Variants in TRMT9B observed in about 807,000 individuals in gnomAD.
The protein encoded by TRMT9B is tRNA methyltransferase 9B (putative).
TRMT9B carries 16 observed loss-of-function variants against 11.5 expected under a neutral mutation model. That is an observed-to-expected ratio of 1.39 (90% confidence interval 0.94 to 2.11). The LOEUF is 2.11. Ranked by LOEUF, TRMT9B falls within the 30% of genes most tolerant of loss-of-function variation. TRMT9B has a pLI of 0.00. For synonymous variants in TRMT9B, 274 were observed against 192.4 expected (o/e 1.42, Z -3.51); for missense variants, 941 against 553.8 (o/e 1.70, Z -7.02).
chr8:12,967,673 G>A (rs796649125), intron 1 of TRMT9B, among the ~76,000 whole-genome samples: 9 of 152,242 alleles, frequency 5.9e-5, no homozygotes, highest in African/African-American at 2.2e-4. Context: ...TTTTAAGTGA[G>A]TAGTCACTTC....
intron 1 of TRMT9B, among the ~76,000 whole-genome samples, chr8:12,958,039 G>T (rs1336438941): frequency 6.6e-6 from 1 of 152,148 alleles, no homozygotes; most frequent in African/African-American, 2.4e-5. Context: ...TCACCCGGCT[G>T]ATAAAGACAT....
At chr8:12,946,038 C>A (rs762764892) in intron 1 of TRMT9B, 72 bp downstream of exon 1, 2 of 152,036 alleles carry the variant, frequency 1.3e-5, no homozygotes, top group African/African-American at 4.8e-5. Context: ...GTTTGTCATC[C>A]CACGAGACTA....
intron 4 of TRMT9B, among the ~76,000 whole-genome samples, chr8:13,016,461 C>G (rs1181855355): frequency 2.0e-5 from 3 of 149,842 alleles, no homozygotes; most frequent in Non-Finnish European, 4.4e-5. Flanking sequence ...TCTTATGTCC[C>G]TATATATTTA....
chr8:13,027,656 A>G lies in TRMT9B; in HGVS notation c.*5612A>G, dbSNP rs892269467. On this transcript the variant is annotated 3_prime_UTR_variant, in exon 5 of 5. Transcript: ENST00000524591. ...ATGACAAGTAATTCCCACATTCCCT[A>G]GATATATACTTGGATTTCAAATGCC... 29 of 167,188 alleles carry G rather than the reference A, an allele frequency of 1.7e-4. No individual in the cohort carries two copies. The highest frequency in any genetic ancestry group is 6.5e-4 in the African/African-American group (27 of 41,574). 10.4% of individuals were successfully genotyped at this position (167,188 alleles called of 1,614,324 possible). A position where few individuals can be genotyped will look rare whatever the true frequency, so the allele number is the denominator to read the frequency against.
rs1814719751 is a variant in TRMT9B at position 13,026,601 on chromosome 8, TCCTCACCACAGC to T, written c.*4562_*4573del. On this transcript the variant is annotated 3_prime_UTR_variant, in exon 5 of 5. Coordinates refer to ENST00000524591, the MANE Select transcript of TRMT9B (RefSeq NM_020844.3). ...GCAACGTTCATTAATTTATATGCAG[TCCTCACCACAGC>T]CCTCCAAGATAACTATACTTATTGT... 6.0e-6 allele frequency: 1 copy of T among 167,102 alleles called. No homozygotes were observed. The highest frequency in any genetic ancestry group is 2.4e-5 in the African/African-American group (1 of 41,454). 10.4% of individuals were successfully genotyped at this position (167,102 alleles called of 1,614,324 possible).
intron 3 of TRMT9B, among the ~76,000 whole-genome samples, chr8:13,008,806 G>C (rs776851508): frequency 2.2e-4 from 33 of 152,098 alleles, no homozygotes; most frequent in Non-Finnish European, 3.5e-4. Context: ...TCGGCTCACT[G>C]CAAGCTCCGC....
intron 4 of TRMT9B, among the ~76,000 whole-genome samples, chr8:13,017,595 T>A (rs2466251): frequency 0.066 from 9,746 of 147,662 alleles, 408 homozygotes; most frequent in African/African-American, 0.11. Context: ...TAATATGTAA[T>A]GAAGTAATCA....
intron 1 of TRMT9B, among the ~76,000 whole-genome samples, chr8:12,959,482 C>CTT (rs1554509501): frequency 1.9e-5 from 1 of 52,240 alleles, no homozygotes; most frequent in African/African-American, 5.3e-5. Context: ...GTATTTTCCT[C>CTT]TCCTCTCCTC....
At chr8:12,980,713 C>G (rs758352031) in intron 1 of TRMT9B, among the ~76,000 whole-genome samples, 1 of 152,116 alleles carries the variant, frequency 6.6e-6, no homozygotes, top group Non-Finnish European at 1.5e-5. Flanking sequence ...AGAAAAGCTT[C>G]GTGACACAAG....
rs1157550731 is a variant in TRMT9B, at chr8:13,025,037, CG to C, written c.*2995del. 1.2e-5 allele frequency: 2 copies of C among 166,982 alleles called. No individual in the cohort carries two copies. The highest frequency in any genetic ancestry group is 4.8e-5 in the African/African-American group (2 of 41,404). The allele number at this position is 166,982 out of a possible 1,614,324, so 10.3% of individuals were successfully genotyped here. On this transcript the variant is annotated 3_prime_UTR_variant, in exon 5 of 5. Transcript: ENST00000524591. ...TAGACAGTTGATTTGTGAATGCTGTCGGCCTCAACTTGCTTGATGATAGATT... is the reference window on the plus strand; with the variant it reads ...TAGACAGTTGATTTGTGAATGCTGTCGCCTCAACTTGCTTGATGATAGATT...
chr8:13,015,975 T>C (rs968268701), intron 4 of TRMT9B, among the ~76,000 whole-genome samples: 13 of 151,722 alleles, frequency 8.6e-5, no homozygotes, highest in African/African-American at 2.4e-4. Context: ...CCAGGCATGG[T>C]GACGGGCACC....
intron 1 of TRMT9B, among the ~76,000 whole-genome samples, chr8:12,953,713 G>T (rs958130918): frequency 6.6e-6 from 1 of 152,190 alleles, no homozygotes; most frequent in African/African-American, 2.4e-5. Flanking sequence ...ACAGGGTAAA[G>T]AACTGTCCAG....
chr8:12,962,545 C>T (rs1802270356), intron 1 of TRMT9B, among the ~76,000 whole-genome samples: 1 of 152,044 alleles, frequency 6.6e-6, no homozygotes, highest in Non-Finnish European at 1.5e-5. Flanking sequence ...GGCTGGAGTG[C>T]AGTGGTGTGA....
chr8:13,020,234 A>G (rs1341325601), intron 4 of TRMT9B, among the ~76,000 whole-genome samples: 1 of 152,212 alleles, frequency 6.6e-6, no homozygotes, highest in African/African-American at 2.4e-5. Context: ...GCATCTATGT[A>G]GGGAAAAATA....
At chr8:13,015,407 T>C (rs1011595772) in intron 4 of TRMT9B, among the ~76,000 whole-genome samples, 1 of 152,160 alleles carries the variant, frequency 6.6e-6, no homozygotes, top group African/African-American at 2.4e-5. Flanking sequence ...CTCACTCTTA[T>C]CACCCTGGTT....
intron 1 of TRMT9B, among the ~76,000 whole-genome samples, chr8:12,959,217 C>G (rs1274414782): frequency 6.6e-6 from 1 of 152,066 alleles, no homozygotes; most frequent in Admixed American, 6.6e-5. Context: ...ACCTGAAAAT[C>G]CAAAATTTGA....
intron 1 of TRMT9B, among the ~76,000 whole-genome samples, chr8:12,948,680 G>C (rs1047568713): frequency 6.6e-6 from 1 of 151,930 alleles, no homozygotes; most frequent in Non-Finnish European, 1.5e-5. Flanking sequence ...AAAACAGAAG[G>C]CCAGGCACGG....
chr8:12,975,686 C>T (rs915382918), intron 1 of TRMT9B, among the ~76,000 whole-genome samples: 1 of 151,892 alleles, frequency 6.6e-6, no homozygotes, highest in Admixed American at 6.6e-5. Context: ...AGCAGTGAGC[C>T]GAGATGGTGC....
intron 1 of TRMT9B, among the ~76,000 whole-genome samples, chr8:12,969,291 C>T (rs1017723089): frequency 1.3e-5 from 2 of 152,176 alleles, no homozygotes; most frequent in Non-Finnish European, 2.9e-5. Flanking sequence ...GTCTCTGGGA[C>T]AGTGCTAGCT....
Sources: allele counts gnomAD v4.1 joint callset (sites outside exome capture counted in the v4.1 genomes callset), GRCh38; gene constraint gnomAD v4.1.1; transcripts MANE v1.5; gene names NCBI Gene and HGNC (gene_info 2026-07-23, HGNC 2026-07-21).